The following ABCA13 variants were observed in gnomAD, a reference collection of about 807,000 sequenced individuals.
ABCA13 encodes ATP-binding cassette sub-family A member 13.
A neutral mutation model predicts 478.7 loss-of-function variants in ABCA13; 476 were observed. The ratio of observed to expected loss-of-function variants is 0.99; its 90% confidence interval spans 0.92 to 1.07. ABCA13 has a LOEUF of 1.07. ABCA13 is among the 50% of genes least tolerant of loss of function. ABCA13 has a pLI of 0.00. For synonymous variants in ABCA13, 2,252 were observed against 2,158.9 expected (o/e 1.04, Z -1.20); for missense variants, 6,060 against 5,910.6 (o/e 1.03, Z -0.83).
intron 20 of ABCA13, among the ~76,000 whole-genome samples, chr7:48,293,318 T>C (rs1798855632): frequency 6.6e-6 from 1 of 151,736 alleles, no homozygotes. Context: ...CCTTGGAACA[T>C]ATATTTGTGA....
Position 48,594,830 on chromosome 7 carries a change from C to T in ABCA13, c.14744+17C>T, listed in dbSNP as rs779624875. On this transcript the variant is annotated intron_variant, in intron 58 of 61. Transcript: ENST00000435803. Reference sequence around the variant, plus strand: ...CTCCCACAGGTGAGTTCCAGTTTCTCTTGTAGCCATTTCCTGATAAGACTG... The same window carrying T: ...CTCCCACAGGTGAGTTCCAGTTTCTTTTGTAGCCATTTCCTGATAAGACTG... 60 of 1,607,426 alleles carry T rather than the reference C, an allele frequency of 3.7e-5. No homozygotes were observed. In the South Asian group the frequency reaches 6.5e-4, roughly 17 times the overall value.
intron 3 of ABCA13, among the ~76,000 whole-genome samples, chr7:48,199,680 A>G (rs981761012): frequency 6.6e-6 from 1 of 152,244 alleles, no homozygotes; most frequent in Non-Finnish European, 1.5e-5. Flanking sequence ...GATAACCCTG[A>G]AAAGTTCAAT....
intron 59 of ABCA13, among the ~76,000 whole-genome samples, chr7:48,637,638 A>G (rs1469346073): frequency 6.6e-6 from 1 of 152,142 alleles, no homozygotes; most frequent in Non-Finnish European, 1.5e-5. Context: ...CACCTTGGAA[A>G]CAAAACGCTC....
At chr7:48,186,620 A>C (rs1036988322) in intron 1 of ABCA13, among the ~76,000 whole-genome samples, 30 of 151,890 alleles carry the variant, frequency 2.0e-4, no homozygotes, top group African/African-American at 7.0e-4. Flanking sequence ...AAATATAGCC[A>C]CTCCTACTTT....
rs1486618416 is a variant in ABCA13, at chr7:48,331,038, G to GA, written c.10000-4379dup. Among the ~76,000 whole-genome samples, 3 of 152,190 alleles carry GA rather than the reference G, an allele frequency of 2.0e-5. No individual in the cohort carries two copies. In the East Asian group the frequency reaches 5.8e-4, roughly 29 times the overall value. On this transcript the variant is annotated intron_variant, in intron 27 of 61. Transcript: ENST00000435803. ...GCCCCATTCCCCTTTGATGCAATAA[G>GA]AAAAAGGTCTGAATAAGGAGGGAAG...
chr7:48,455,234 C>A lies in ABCA13; in HGVS notation c.12763C>A (p.Pro4255Thr), dbSNP rs771185045. The A allele has an allele frequency of 2.5e-6, 4 of 1,604,820 alleles. No homozygotes were observed. In the South Asian group the frequency reaches 3.4e-5, roughly 13 times the overall value. The change falls in exon 43 of 62, where the codon CCC becomes ACC. Residue 4255 changes from proline (P) to threonine (T), a missense_variant. Around this residue, in one of 3 missense-constraint regions of ABCA13, gnomAD observed 1,627 missense variants for 1,571.0 expected, o/e 1.04. Transcript: ENST00000435803. ...MVRPLATEYPPLRLTPGHYQR... is the reference protein window; with the variant it reads ...MVRPLATEYPTLRLTPGHYQR... ...GAGACCCCTGGCCACCGAGTACCCT[C>A]CCCTCAGACTCACACCTGGACATTA...
chr7:48,218,569 T>C (rs1451681373), intron 3 of ABCA13, among the ~76,000 whole-genome samples: 1 of 152,210 alleles, frequency 6.6e-6, no homozygotes, highest in Non-Finnish European at 1.5e-5. Context: ...GTGAGATTTC[T>C]GTTGAGTGTA....
At chr7:48,622,726 A>G (rs1793262683) in intron 59 of ABCA13, among the ~76,000 whole-genome samples, 1 of 152,196 alleles carries the variant, frequency 6.6e-6, no homozygotes, top group Non-Finnish European at 1.5e-5. Flanking sequence ...ATTGAGAACT[A>G]ATTCTTATAT....
intron 15 of ABCA13, among the ~76,000 whole-genome samples, chr7:48,252,547 A>G (rs1792736622): frequency 2.0e-5 from 3 of 152,174 alleles, no homozygotes; most frequent in African/African-American, 7.2e-5. Context: ...GTAACATGAT[A>G]GTAAGTATTT....
In ABCA13 at chr7:48,376,483, G is replaced by T. The variant is rs769810894; in HGVS notation, c.11246G>T (p.Gly3749Val). 13 of 1,613,786 alleles carry T rather than the reference G, an allele frequency of 8.1e-6. No homozygotes were observed. The East Asian group carries it at 2.5e-4, about 30-fold the overall frequency. The change falls in exon 35 of 62, where the codon GGC becomes GTC. Residue 3749 changes from glycine (G) to valine (V), a missense_variant. This residue lies in a region of ABCA13 where 4,423 missense variants were observed against 4,309.1 expected (regional missense o/e 1.03). Coordinates refer to ENST00000435803, the MANE Select transcript of ABCA13 (RefSeq NM_152701.5). ...ATGTACCAGGCTCTGGAACAAGGGG[G>T]CATGACATTTGGCTGGGTTTGCTGG... ...NNMYQALEQG[G>V]MTFGWVCWMI...
Position 48,272,163 on chromosome 7 carries a change from A to G in ABCA13, c.2497A>G (p.Lys833Glu). Residue 833 changes from lysine to glutamate, a missense_variant, in exon 17 of 62, where the codon AAA becomes GAA. Lys to Glu is a moderately conservative substitution (Grantham distance 56). Transcript: ENST00000435803. ...ATTAATACTTTTTGAAATTAATCCC[A>G]AATTACTAGAATTATGGGCCTATGG... is the stretch of plus-strand genomic sequence containing the variant. ...IELILFEINP[K>E]LLELWAYGIS... The G allele has an allele frequency of 1.9e-6, 3 of 1,613,136 alleles. No homozygotes were observed. The highest frequency in any genetic ancestry group is 1.7e-6 in the Non-Finnish European group (2 of 1,179,516).
intron 40 of ABCA13, among the ~76,000 whole-genome samples, chr7:48,410,992 TTTC>T (rs1392735618): frequency 3.1e-5 from 3 of 96,950 alleles, no homozygotes; most frequent in Admixed American, 2.3e-4. Context: ...TCTTTCTTTC[TTTC>T]TTTCTTTCTT....
rs774876389 is a variant in ABCA13 at position 48,645,419 on chromosome 7, A to G, written c.15084A>G (p.Val5028=). ...YSINQTTLEQ[V]FINFASEQQQ... is the part of the protein sequence containing the mutation. Reference sequence around the variant, plus strand: ...AACATTTTTATGGTTTTTTTCAGGTATTTATTAATTTTGCTTCTGAGCAGC... The same window carrying G: ...AACATTTTTATGGTTTTTTTCAGGTGTTTATTAATTTTGCTTCTGAGCAGC... The change falls in exon 62 of 62, where the codon GTA becomes GTG. Residue 5028 remains valine, a splice_region_variant and synonymous_variant. Transcript: ENST00000435803. The G allele has an allele frequency of 2.6e-6, 4 of 1,560,404 alleles. No individual in the cohort carries two copies. In the South Asian group the frequency reaches 3.6e-5, roughly 14 times the overall value.
intron 27 of ABCA13, among the ~76,000 whole-genome samples, chr7:48,319,820 C>T (rs1280020454): frequency 2.6e-5 from 4 of 152,188 alleles, no homozygotes; most frequent in Non-Finnish European, 5.9e-5. Flanking sequence ...TCTCCTCTAT[C>T]TGTGAAATGA....
At chr7:48,400,885 C>T (rs1403191539) in intron 38 of ABCA13, among the ~76,000 whole-genome samples, 1 of 152,214 alleles carries the variant, frequency 6.6e-6, no homozygotes, top group African/African-American at 2.4e-5. Flanking sequence ...GCCATGAGTG[C>T]TAATTATCTT....
chr7:48,308,693 G>A (rs1445934719), intron 23 of ABCA13, among the ~76,000 whole-genome samples: 1 of 151,920 alleles, frequency 6.6e-6, no homozygotes, highest in Non-Finnish European at 1.5e-5. Flanking sequence ...ACCAGATAGC[G>A]ATATTTTGGT....
At chr7:48,396,223 G>A (rs557167328) in intron 38 of ABCA13, among the ~76,000 whole-genome samples, 1 of 152,328 alleles carries the variant, frequency 6.6e-6, no homozygotes, top group Non-Finnish European at 1.5e-5. Flanking sequence ...GGGATGTTGT[G>A]CAGGCCATGT....
chr7:48,592,747 A>G (rs1397272990), intron 57 of ABCA13, among the ~76,000 whole-genome samples: 1 of 151,998 alleles, frequency 6.6e-6, no homozygotes, highest in Non-Finnish European at 1.5e-5. Context: ...CATTACATAT[A>G]TAGTACTCTA....
intron 26 of ABCA13, among the ~76,000 whole-genome samples, 183 bp downstream of exon 26, chr7:48,314,592 G>T: frequency 6.6e-6 from 1 of 152,154 alleles, no homozygotes; most frequent in East Asian, 1.9e-4. Context: ...GTGCCTTTGA[G>T]CACAGACAAA....
Sources: allele counts gnomAD v4.1 joint callset (sites outside exome capture counted in the v4.1 genomes callset), GRCh38; gene constraint gnomAD v4.1.1; regional missense constraint gnomAD v4.1.1; transcripts MANE v1.5; gene names NCBI Gene and HGNC (gene_info 2026-07-23, HGNC 2026-07-21).